CNTNAP4: variants seen among roughly 807,000 people sequenced by gnomAD.
CNTNAP4 encodes contactin-associated protein-like 4.
CNTNAP4 carries 98 observed loss-of-function variants against 148.4 expected under a neutral mutation model. The ratio of observed to expected loss-of-function variants is 0.66; its 90% confidence interval spans 0.56 to 0.78. The LOEUF is 0.78. Among genes scored for constraint, CNTNAP4 ranks in the 30% least tolerant of loss-of-function variants. The pLI, the probability that CNTNAP4 is intolerant of heterozygous loss-of-function variation, is 0.00. For synonymous variants in CNTNAP4, 730 were observed against 565.1 expected (o/e 1.29, Z -4.14); for missense variants, 1,935 against 1,565.6 (o/e 1.24, Z -3.98).
At chr16:76,462,230 A>G (rs1421726564) in intron 9 of CNTNAP4, 125 bp downstream of exon 9, 4 of 910,756 alleles carry the variant, frequency 4.4e-6, no homozygotes, top group Non-Finnish European at 4.8e-6. Context: ...ACTGTCTTTG[A>G]TCACGGACAT....
chr16:76,384,383 T>C (rs2016303439), intron 3 of CNTNAP4, among the ~76,000 whole-genome samples: 2 of 152,002 alleles, frequency 1.3e-5, no homozygotes, highest in African/African-American at 4.8e-5. Context: ...TTGTAATAAG[T>C]TAAGGCTGGC....
At chr16:76,348,652 C>T (rs1475216617) in intron 2 of CNTNAP4, among the ~76,000 whole-genome samples, 1 of 152,140 alleles carries the variant, frequency 6.6e-6, no homozygotes, top group Non-Finnish European at 1.5e-5. Flanking sequence ...TCAAACGCCA[C>T]AGATTGTCCA....
At chr16:76,486,308 G>T (rs181011684) in intron 12 of CNTNAP4, among the ~76,000 whole-genome samples, 1 of 152,188 alleles carries the variant, frequency 6.6e-6, no homozygotes, top group East Asian at 1.9e-4. Context: ...AAGTTTTAAA[G>T]ATTTTTAAAA....
At chr16:76,334,185 A>G (rs1459981744) in intron 2 of CNTNAP4, among the ~76,000 whole-genome samples, 2 of 150,906 alleles carry the variant, frequency 1.3e-5, no homozygotes, top group Non-Finnish European at 3.0e-5. Context: ...GTATAATAAT[A>G]ATAATAATAA....
chr16:76,450,486 A>G (rs1356520998), intron 7 of CNTNAP4, among the ~76,000 whole-genome samples: 1 of 152,188 alleles, frequency 6.6e-6, no homozygotes, highest in African/African-American at 2.4e-5. Flanking sequence ...TTCCCTGACA[A>G]ACTTACCAGA....
At chr16:76,326,519 T>G (rs540808044) in intron 2 of CNTNAP4, among the ~76,000 whole-genome samples, 1 of 152,248 alleles carries the variant, frequency 6.6e-6, no homozygotes, top group Non-Finnish European at 1.5e-5. Flanking sequence ...TGCGGCACTA[T>G]TCACAATAGC....
chr16:76,437,879 T>A (rs576335175), intron 4 of CNTNAP4, among the ~76,000 whole-genome samples: 1 of 152,292 alleles, frequency 6.6e-6, no homozygotes, highest in African/African-American at 2.4e-5. Context: ...AGATCAGTTT[T>A]TCAGTATCAG....
chr16:76,448,004 G>T lies in CNTNAP4; in HGVS notation c.539-8G>T. 1 of 1,602,102 alleles carries T rather than the reference G, an allele frequency of 6.2e-7. No individual in the cohort carries two copies. Among genetic ancestry groups the T allele is most frequent in the Non-Finnish European group, 8.5e-7 (1 of 1,170,354 alleles). On this transcript the variant is annotated splice_polypyrimidine_tract_variant and splice_region_variant and intron_variant, in intron 4 of 23. Transcript: ENST00000611870. ...CCTTAGAATGCCTTCTACTATCTTT[G>T]TTTCTAGGATCAGAAGTGGTTGATC... is the stretch of plus-strand genomic sequence containing the variant.
chr16:76,559,455 A>G lies in CNTNAP4; in HGVS notation c.*772A>G, dbSNP rs2144468250. 6.6e-6 allele frequency among the ~76,000 whole-genome samples: 1 copy of G among 152,294 alleles called. No individual in the cohort carries two copies. Among genetic ancestry groups the G allele is most frequent in the African/African-American group, 2.4e-5 (1 of 41,568 alleles). On this transcript the variant is annotated 3_prime_UTR_variant, in exon 24 of 24. Coordinates refer to ENST00000611870, the MANE Select transcript of CNTNAP4 (RefSeq NM_033401.5). ...GCTACCATTGTTTGATGGTGACAGT[A>G]CTTAAGACCCTGAGTAATGCCAGTT... is the stretch of plus-strand genomic sequence containing the variant.
intron 17 of CNTNAP4, among the ~76,000 whole-genome samples, chr16:76,526,912 G>A (rs1340182630): frequency 2.0e-5 from 3 of 152,084 alleles, no homozygotes; most frequent in South Asian, 2.1e-4. Context: ...GGGCTCAAGG[G>A]CTCCACCCCC....
chr16:76,278,227 T>C (rs1290997046), intron 1 of CNTNAP4, among the ~76,000 whole-genome samples: 1 of 152,224 alleles, frequency 6.6e-6, no homozygotes, highest in Non-Finnish European at 1.5e-5. Context: ...TAATGCAGGC[T>C]AATAACTGAA....
intron 14 of CNTNAP4, 144 bp downstream of exon 14, chr16:76,495,210 A>G: frequency 1.3e-6 from 1 of 797,708 alleles, no homozygotes; most frequent in Non-Finnish European, 2.0e-6. Context: ...AACGTGGTGT[A>G]GTCAATATAA....
At chr16:76,479,368 T>TA (rs1365534604) in intron 11 of CNTNAP4, 51 bp from the exon 12 acceptor site, 1 of 1,480,844 alleles carries the variant, frequency 6.8e-7, no homozygotes, top group African/African-American at 1.4e-5. Context: ...AATTAAAAGT[T>TA]AAGAGATTCA....
chr16:76,289,307 TC>T (rs1333088316), intron 1 of CNTNAP4, among the ~76,000 whole-genome samples: 1 of 152,226 alleles, frequency 6.6e-6, no homozygotes, highest in African/African-American at 2.4e-5. Flanking sequence ...GAAGAAATTT[TC>T]AACTCCATCC....
chr16:76,423,591 C>T (rs1369926014), intron 3 of CNTNAP4, among the ~76,000 whole-genome samples: 1 of 152,112 alleles, frequency 6.6e-6, no homozygotes, highest in Non-Finnish European at 1.5e-5. Flanking sequence ...AGGAAAGTTT[C>T]CTAGGCAAAG....
chr16:76,504,827 A>C (rs2082782427), intron 15 of CNTNAP4, among the ~76,000 whole-genome samples: 1 of 152,194 alleles, frequency 6.6e-6, no homozygotes, highest in African/African-American at 2.4e-5. Context: ...CACAGAAAAA[A>C]TATGGATTTA....
chr16:76,374,544 A>G (rs2015207646), intron 3 of CNTNAP4, among the ~76,000 whole-genome samples: 1 of 152,064 alleles, frequency 6.6e-6, no homozygotes, highest in Admixed American at 6.6e-5. Context: ...AAATAATGAA[A>G]TTTATCTGGA....
chr16:76,382,058 C>G (rs2016031260), intron 3 of CNTNAP4, among the ~76,000 whole-genome samples: 1 of 65,954 alleles, frequency 1.5e-5, no homozygotes, highest in African/African-American at 6.8e-5. Context: ...GAGACTCCGT[C>G]TCAAAAAAAA....
intron 2 of CNTNAP4, among the ~76,000 whole-genome samples, chr16:76,318,301 C>G (rs1438408829): frequency 6.6e-6 from 1 of 152,114 alleles, no homozygotes; most frequent in Non-Finnish European, 1.5e-5. Flanking sequence ...ATCTTGATTT[C>G]CTTTGTTGAG....
Sources: gnomAD v4.1 joint callset for allele counts (sites outside exome capture counted in the v4.1 genomes callset) on GRCh38, gnomAD v4.1.1 for gene constraint, MANE v1.5 for transcripts, NCBI Gene and HGNC (gene_info 2026-07-23, HGNC 2026-07-21) for gene names.